ANK2: variants seen among roughly 807,000 people sequenced by gnomAD.
ANK2 encodes ankyrin-2.
A neutral mutation model predicts 360.5 loss-of-function variants in ANK2; 83 were observed. The ratio of observed to expected loss-of-function variants is 0.23; its 90% confidence interval spans 0.19 to 0.28. The LOEUF (loss-of-function observed/expected upper bound fraction) is 0.28, where lower values mean the gene tolerates loss of function less well. ANK2 is among the 10% of genes least tolerant of loss of function. The pLI is 1.00. For missense variants in ANK2, 4,201 were observed against 4,795.7 expected (o/e 0.88, Z 3.66); for synonymous variants, 1,740 against 1,759.5 (o/e 0.99, Z 0.28).
intron 2 of ANK2, among the ~76,000 whole-genome samples, chr4:113,002,101 G>T (rs1051245718): frequency 1.3e-5 from 2 of 152,020 alleles, no homozygotes; most frequent in African/African-American, 4.8e-5. Context: ...GTATACATGT[G>T]ACATGCTGGT....
intron 1 of ANK2, among the ~76,000 whole-genome samples, chr4:113,086,267 A>T (rs781474362): frequency 9.9e-5 from 15 of 152,218 alleles, no homozygotes; most frequent in Non-Finnish European, 1.9e-4. Flanking sequence ...CATCTGCAAG[A>T]TTCCCCTTGT....
chr4:112,788,117 G>A, the ANK2 span: 25 of 1,574,308 alleles, frequency 1.6e-5, no homozygotes, highest in South Asian at 2.8e-4. Flanking sequence ...TTTAGCCTTT[G>A]CCTTTTCGAG....
At chr4:113,001,164 C>T (rs2050497876) in intron 2 of ANK2, among the ~76,000 whole-genome samples, 1 of 151,912 alleles carries the variant, frequency 6.6e-6, no homozygotes, top group Non-Finnish European at 1.5e-5. Flanking sequence ...AACCCTGGCT[C>T]TACTAAAAAG....
At chr4:113,271,438 C>T (rs1191107020) in intron 14 of ANK2, among the ~76,000 whole-genome samples, 2 of 151,602 alleles carry the variant, frequency 1.3e-5, no homozygotes, top group African/African-American at 4.9e-5. Context: ...TATTTTACCT[C>T]TTGATTTCTC....
In ANK2 at chr4:113,367,736, A is replaced by T. The variant is rs1363129455; in HGVS notation, c.11203A>T (p.Ser3735Cys). Reference sequence around the variant, plus strand: ...TGGCGTCCCCAAAACTGAGGGGGACAGCTCAGCAACAGCACTCTTTCCCCA... The same window carrying T: ...TGGCGTCCCCAAAACTGAGGGGGACTGCTCAGCAACAGCACTCTTTCCCCA... ...QDGVPKTEGD[S>C]SATALFPQTH... The change falls in exon 42 of 46, where the codon AGC becomes TGC. Residue 3735 changes from serine (S) to cysteine (C), a missense_variant. Around this residue, in one of 4 missense-constraint regions of ANK2, gnomAD observed 2,642 missense variants for 2,714.5 expected, o/e 0.97. Transcript: ENST00000357077. The T allele has an allele frequency of 6.2e-7, 1 of 1,614,078 alleles. No homozygotes were observed. Among genetic ancestry groups the T allele is most frequent in the Admixed American group, 1.7e-5 (1 of 60,000 alleles).
intron 24 of ANK2, among the ~76,000 whole-genome samples, chr4:113,313,899 C>T (rs928057579): frequency 1.3e-5 from 2 of 152,110 alleles, no homozygotes; most frequent in Non-Finnish European, 2.9e-5. Flanking sequence ...ACTAGCTGAG[C>T]TAGAAGAGGT....
chr4:113,211,163 G>A (rs564785782), intron 4 of ANK2, among the ~76,000 whole-genome samples: 2 of 152,234 alleles, frequency 1.3e-5, no homozygotes, highest in East Asian at 3.9e-4. Flanking sequence ...TCAGAGATTT[G>A]GAACTTCTAT....
intron 2 of ANK2, among the ~76,000 whole-genome samples, chr4:112,957,730 C>CTGGGCGGG (rs2030809093): frequency 2.7e-5 from 4 of 150,586 alleles, no homozygotes; most frequent in Non-Finnish European, 4.4e-5. Flanking sequence ...GGGTGGCTGC[C>CTGGGCGGG]GGGCGGAGAC....
In ANK2 at chr4:113,274,529, T is replaced by C. The variant is rs1170786698; in HGVS notation, c.1563T>C (p.Ala521=). The change falls in exon 15 of 46, where the codon GCT becomes GCC. Residue 521 remains alanine, a synonymous_variant. Transcript: ENST00000357077. ...EIVQLLLQHM[A]HPDAATTNGY... is the part of the protein sequence containing the mutation. ...TCCAGCTGCTTCTACAACATATGGC[T>C]CATCCAGATGCGGCCACTACAAATG... is the stretch of plus-strand genomic sequence containing the variant. The C allele has an allele frequency of 6.2e-7, 1 of 1,614,082 alleles. No homozygotes were observed. The highest frequency in any genetic ancestry group is 1.3e-5 in the African/African-American group (1 of 74,928).
chr4:112,711,819 C>CAAAAAAATA, the ANK2 span, among the ~76,000 whole-genome samples: 3 of 142,054 alleles, frequency 2.1e-5, no homozygotes, highest in African/African-American at 7.9e-5. Context: ...GACTCTGTCT[C>CAAAAAAATA]AAAAAAATAA....
intron 2 of ANK2, among the ~76,000 whole-genome samples, chr4:113,177,315 C>T (rs1290787824): frequency 3.9e-5 from 6 of 152,082 alleles, no homozygotes; most frequent in African/African-American, 9.7e-5. Flanking sequence ...CTCCTGACCT[C>T]GTGATCAGCC....
intron 2 of ANK2, among the ~76,000 whole-genome samples, chr4:112,913,927 T>G (rs1028274389): frequency 6.6e-6 from 1 of 152,018 alleles, no homozygotes; most frequent in African/African-American, 2.4e-5. Context: ...ATTCATCCTG[T>G]CTTTTTTTTG....
chr4:113,052,107 A>G lies in ANK2; in HGVS notation c.84+2295A>G, dbSNP rs201721692. On this transcript the variant is annotated intron_variant, in intron 1 of 45. Coordinates refer to ENST00000357077, the MANE Select transcript of ANK2 (RefSeq NM_001148.6). ...AAATCATTGAGATTTACATAAATGTACCTTAGGTCTTTATATTATTGTTTC... is the reference window on the plus strand; with the variant it reads ...AAATCATTGAGATTTACATAAATGTGCCTTAGGTCTTTATATTATTGTTTC... Among the ~76,000 whole-genome samples, 10 of 152,344 alleles carry G rather than the reference A, an allele frequency of 6.6e-5. No individual in the cohort carries two copies. In the East Asian group the frequency reaches 1.9e-3, roughly 29 times the overall value.
At chr4:112,745,142 G>T in the ANK2 span, among the ~76,000 whole-genome samples, 5 of 151,852 alleles carry the variant, frequency 3.3e-5, no homozygotes, top group African/African-American at 9.7e-5. Context: ...TCCTTCATTG[G>T]TTACTTCTTC....
At chr4:112,721,541 C>CAAAAAAAA in the ANK2 span, among the ~76,000 whole-genome samples, 3 of 46,876 alleles carry the variant, frequency 6.4e-5, no homozygotes, top group East Asian at 1.4e-3. Context: ...GACCCCATCT[C>CAAAAAAAA]AAAAAAAAAA....
At chr4:113,202,344 G>T (rs1374911331) in intron 4 of ANK2, among the ~76,000 whole-genome samples, 5 of 152,020 alleles carry the variant, frequency 3.3e-5, no homozygotes, top group African/African-American at 4.8e-5. Flanking sequence ...ACAATATGGG[G>T]TGTCAAGTGG....
chr4:113,204,890 A>G (rs1307978327), intron 4 of ANK2, among the ~76,000 whole-genome samples: 1 of 152,202 alleles, frequency 6.6e-6, no homozygotes, highest in Non-Finnish European at 1.5e-5. Flanking sequence ...TCTGGGCTTC[A>G]TACAACCATC....
chr4:112,818,400 A>G (rs925467950), intron 1 of ANK2: 1 of 152,248 alleles, frequency 6.6e-6, no homozygotes, highest in Admixed American at 6.5e-5. Context: ...TTTCCATGCC[A>G]TTCTGGAGTT....
the ANK2 span, among the ~76,000 whole-genome samples, chr4:112,754,249 T>C: frequency 6.6e-6 from 1 of 150,872 alleles, no homozygotes; most frequent in Non-Finnish European, 1.5e-5. Context: ...TACTGTGGCA[T>C]GTCCTCTGCC....
Sources: gnomAD v4.1 joint callset for allele counts (sites outside exome capture counted in the v4.1 genomes callset) on GRCh38, gnomAD v4.1.1 for gene constraint, gnomAD v4.1.1 regional missense constraint, MANE v1.5 for transcripts, NCBI Gene and HGNC (gene_info 2026-07-23, HGNC 2026-07-21) for gene names.